Variants in ZNF775 observed in about 807,000 individuals in gnomAD.
The protein encoded by ZNF775 is zinc finger protein 775.
ZNF775 carries 1 observed loss-of-function variant against 2.4 expected under a neutral mutation model. The ratio of observed to expected loss-of-function variants is 0.41; its 90% CI spans 0.15 to 1.94. ZNF775 has a LOEUF of 1.94. Ranked by LOEUF, ZNF775 falls within the 30% of genes most tolerant of loss-of-function variation. The probability of loss-of-function intolerance (pLI) is 0.30; values close to 1 mark genes in which losing one functional copy is unlikely to be tolerated. For synonymous variants in ZNF775, 381 were observed against 373.3 expected (o/e 1.02, Z -0.24); for missense variants, 823 against 826.6 (o/e 1.00, Z 0.05).
intron 1 of ZNF775, among the ~76,000 whole-genome samples, chr7:150,381,806 C>T (rs970616085): frequency 3.9e-5 from 6 of 152,104 alleles, no homozygotes; most frequent in African/African-American, 7.2e-5. Flanking sequence ...GTTCCCTCCC[C>T]AGATTGAGGA....
Position 150,397,551 on chromosome 7 carries a change from G to A in ZNF775, c.1070G>A (p.Arg357His), listed in dbSNP as rs753113075. Residue 357 changes from arginine (R) to histidine (H), a missense_variant, in exon 3 of 3, where the codon CGC becomes CAC. Coordinates refer to ENST00000329630, the MANE Select transcript of ZNF775 (RefSeq NM_173680.4). ...AAGCAGCACCTGCTCAAGCACCTGC[G>A]CACGCACCTGCCCGGCGCCCAGGCT... ...RQKQHLLKHL[R>H]THLPGAQAAP... 2.6e-6 allele frequency: 4 copies of A among 1,538,460 alleles called. No individual in the cohort carries two copies. In the South Asian group the frequency reaches 3.5e-5, roughly 14 times the overall value.
At chr7:150,390,301 A>C (rs985976344) in intron 2 of ZNF775, among the ~76,000 whole-genome samples, 1 of 151,886 alleles carries the variant, frequency 6.6e-6, no homozygotes, top group Non-Finnish European at 1.5e-5. Flanking sequence ...TGGACTTAGC[A>C]CCTCGCCCAA....
chr7:150,385,988 C>T (rs1448883431), intron 1 of ZNF775, among the ~76,000 whole-genome samples: 1 of 151,968 alleles, frequency 6.6e-6, no homozygotes, highest in African/African-American at 2.4e-5. Context: ...GACAGAGTCT[C>T]ACTCTGTCAC....
intron 2 of ZNF775, among the ~76,000 whole-genome samples, chr7:150,388,785 T>C (rs1295858920): frequency 6.6e-6 from 1 of 152,208 alleles, no homozygotes; most frequent in Non-Finnish European, 1.5e-5. Context: ...TGAGGTGTTA[T>C]TTACGTGCTA....
rs1800417329 is a variant in ZNF775 at position 150,384,425 on chromosome 7, A to C, written c.-49-3997A>C. ...GGACATGTCAGGATGGTAGGTTAGG[A>C]GGGGCCCGCCATGCACAGAGCAGAG... On this transcript the variant is annotated intron_variant, in intron 1 of 2. Coordinates refer to ENST00000329630, the MANE Select transcript of ZNF775 (RefSeq NM_173680.4). This position sits in a 1 kb window ranked among gnomAD's most constrained non-coding sequence, Gnocchi z 4.1. 6.6e-6 allele frequency among the ~76,000 whole-genome samples: 1 copy of C among 152,090 alleles called. No individual in the cohort carries two copies. Among genetic ancestry groups the C allele is most frequent in the African/African-American group, 2.4e-5 (1 of 41,414 alleles).
rs1301763696 is a variant in ZNF775 at position 150,384,900 on chromosome 7, C to T, written c.-49-3522C>T. On this transcript the variant is annotated intron_variant, in intron 1 of 2. Coordinates refer to ENST00000329630, the MANE Select transcript of ZNF775 (RefSeq NM_173680.4). This position sits in a 1 kb window ranked among gnomAD's most constrained non-coding sequence, Gnocchi z 4.1. ...TGAAGTAGGACTGTCTTTGATTTGC[C>T]TTGGGGGTCTCGCTCTGTGGAGACC... 1.3e-5 allele frequency among the ~76,000 whole-genome samples: 2 copies of T among 152,184 alleles called. No individual in the cohort carries two copies. The highest frequency in any genetic ancestry group is 2.9e-5 in the Non-Finnish European group (2 of 68,022).
rs1450799561 is a variant in ZNF775 at position 150,382,160 on chromosome 7, G to C, written c.-50+2768G>C. On this transcript the variant is annotated intron_variant, in intron 1 of 2. Coordinates refer to ENST00000329630, the MANE Select transcript of ZNF775 (RefSeq NM_173680.4). The surrounding 1 kb of genome is among the most constrained non-coding windows in gnomAD (Gnocchi z 4.6). Reference sequence around the variant, plus strand: ...TGGCAAACCCTCTTCCTCCTGCATGGTGGAGCGTGGAGGCTCCTGTGTGGC... The same window carrying C: ...TGGCAAACCCTCTTCCTCCTGCATGCTGGAGCGTGGAGGCTCCTGTGTGGC... Among the ~76,000 whole-genome samples the C allele has an allele frequency of 6.6e-6, 1 of 152,104 alleles. No homozygotes were observed. The highest frequency in any genetic ancestry group is 6.5e-5 in the Admixed American group (1 of 15,282).
chr7:150,395,186 G>A (rs1414982057), intron 2 of ZNF775, among the ~76,000 whole-genome samples: 1 of 151,894 alleles, frequency 6.6e-6, no homozygotes, highest in Non-Finnish European at 1.5e-5. Flanking sequence ...ACATTTTCTT[G>A]CAAAATCTTC....
In ZNF775 at chr7:150,398,275, TC is replaced by T; in HGVS notation, c.*183del. 2 of 1,063,228 alleles carry T rather than the reference TC, an allele frequency of 1.9e-6. No individual in the cohort carries two copies. Among genetic ancestry groups the T allele is most frequent in the Admixed American group, 3.1e-5 (1 of 31,928 alleles). The allele number at this position is 1,063,228 out of a possible 1,614,324, so 65.9% of individuals were successfully genotyped here. A position where few individuals can be genotyped will look rare whatever the true frequency, so the allele number is the denominator to read the frequency against. Reference sequence around the variant, plus strand: ...GCGTCCCAAAGGGTGCTGGGAAAGGTCCCAGCGTGGGTTGAGGGAGGAGGGA... The same window carrying T: ...GCGTCCCAAAGGGTGCTGGGAAAGGTCCAGCGTGGGTTGAGGGAGGAGGGA... On this transcript the variant is annotated 3_prime_UTR_variant, in exon 3 of 3. Coordinates refer to ENST00000329630, the MANE Select transcript of ZNF775 (RefSeq NM_173680.4).
At chr7:150,387,319 A>C (rs1800470169) in intron 1 of ZNF775, among the ~76,000 whole-genome samples, 1 of 147,528 alleles carries the variant, frequency 6.8e-6, no homozygotes. Flanking sequence ...AAAAAGAAGC[A>C]CAAGGGATGC....
At position 150,397,099 on chromosome 7, in the gene ZNF775, C is replaced by T. The variant is rs1256824688; in HGVS notation, c.618C>T (p.Leu206=). The T allele has an allele frequency of 6.4e-7, 1 of 1,562,070 alleles. No homozygotes were observed. The highest frequency in any genetic ancestry group is 8.6e-7 in the Non-Finnish European group (1 of 1,162,134). The change falls in exon 3 of 3, where the codon CTC becomes CTT. Residue 206 remains leucine (L), a synonymous_variant. Transcript: ENST00000329630. ...CERCFRHQVG[L]RIHQRAHARD... is the part of the protein sequence containing the mutation. ...GCTGCTTCCGTCACCAGGTGGGCCT[C>T]CGCATCCACCAGCGCGCGCACGCCC...
At position 150,397,437 on chromosome 7, in the gene ZNF775, G is replaced by T; in HGVS notation, c.956G>T (p.Ser319Ile). 13 of 1,595,694 alleles carry T rather than the reference G, an allele frequency of 8.1e-6. No homozygotes were observed. Among genetic ancestry groups the T allele is most frequent in the Non-Finnish European group, 1.1e-5 (13 of 1,174,960 alleles). ...TGCCCCGAGTGCGGCCGCCGCTTCA[G>T]CCAGAAGCCCAACTTGACGCGGCAC... ...YACPECGRRF[S>I]QKPNLTRHLR... The change falls in exon 3 of 3, where the codon AGC becomes ATC. Residue 319 changes from serine to isoleucine, a missense_variant. Physicochemically the swap from Ser to Ile is moderately radical, Grantham distance 142. Transcript: ENST00000329630.
chr7:150,385,427 T>G (rs994790869), intron 1 of ZNF775, among the ~76,000 whole-genome samples: 3 of 151,362 alleles, frequency 2.0e-5, no homozygotes, highest in Non-Finnish European at 1.5e-5. Flanking sequence ...GCTCTGAGCC[T>G]GCAATACCCC....
chr7:150,390,665 A>G (rs1800545625), intron 2 of ZNF775, among the ~76,000 whole-genome samples: 1 of 152,242 alleles, frequency 6.6e-6, no homozygotes, highest in Non-Finnish European at 1.5e-5. Context: ...GATGCATAGT[A>G]TTCCATATTA....
chr7:150,387,295 CAAAA>C (rs550286754), intron 1 of ZNF775, among the ~76,000 whole-genome samples: 3 of 102,906 alleles, frequency 2.9e-5, no homozygotes, highest in Non-Finnish European at 3.8e-5. Context: ...GACTCTGTCT[CAAAA>C]AAAAAAAAAA....
intron 2 of ZNF775, among the ~76,000 whole-genome samples, chr7:150,393,563 C>CA (rs201310652): frequency 0.013 from 1,952 of 152,332 alleles, 38 homozygotes; most frequent in African/African-American, 0.045. Flanking sequence ...AGAGTGGTGG[C>CA]AGCACTTTGC....
rs748186458 is a variant in ZNF775, at chr7:150,396,760, C to T, written c.279C>T (p.Ser93=). 14 of 1,589,206 alleles carry T rather than the reference C, an allele frequency of 8.8e-6. No individual in the cohort carries two copies. The highest frequency in any genetic ancestry group is 1.7e-4 in the Middle Eastern group (1 of 6,038). ...CAGGCCGGGCTCCCGGGTCAGCCTCCGGCCCCCTGAGCCCCTCGCTTTCCT... is the reference window on the plus strand; with the variant it reads ...CAGGCCGGGCTCCCGGGTCAGCCTCTGGCCCCCTGAGCCCCTCGCTTTCCT... The part of the protein sequence containing the change: ...GLAGRAPGSA[S]GPLSPSLSSG... The change falls in exon 3 of 3, where the codon TCC becomes TCT. Residue 93 remains serine (S), a synonymous_variant. Transcript: ENST00000329630.
chr7:150,397,913 G>T lies in ZNF775; in HGVS notation c.1432G>T (p.Glu478Ter), dbSNP rs772721315. ...HTGERPYPCP[E>*]CGRRFSQKPN... is the part of the protein sequence containing the mutation. ...GGGTGAGCGGCCCTACCCGTGCCCCGAGTGCGGCCGCCGCTTCAGCCAGAA... is the reference window on the plus strand; with the variant it reads ...GGGTGAGCGGCCCTACCCGTGCCCCTAGTGCGGCCGCCGCTTCAGCCAGAA... Residue 478 changes from glutamate (E) to a stop codon, truncating the protein, a stop_gained, in exon 3 of 3, where the codon GAG becomes TAG. Transcript: ENST00000329630. LOFTEE classifies it low-confidence loss of function (END_TRUNC). The T allele has an allele frequency of 1.2e-6, 2 of 1,601,264 alleles. No individual in the cohort carries two copies. Among genetic ancestry groups the T allele is most frequent in the Non-Finnish European group, 1.7e-6 (2 of 1,178,358 alleles).
intron 2 of ZNF775, 27 bp from the exon 3 acceptor site, chr7:150,396,486 C>G (rs1456299561): frequency 6.4e-7 from 1 of 1,553,684 alleles, no homozygotes; most frequent in Admixed American, 2.1e-5. Flanking sequence ...ACCTCTCTCC[C>G]TCCTCTCTCC....
Sources: allele counts gnomAD v4.1 joint callset (sites outside exome capture counted in the v4.1 genomes callset), GRCh38; gene constraint gnomAD v4.1.1; non-coding constraint Gnocchi (gnomAD v3.1); transcripts MANE v1.5; gene names NCBI Gene and HGNC (gene_info 2026-07-23, HGNC 2026-07-21).